The following ARID2 variants were observed in gnomAD, a reference collection of about 807,000 sequenced individuals.
The protein encoded by ARID2 is AT-rich interactive domain-containing protein 2.
In ARID2, 32 loss-of-function variants were observed where a neutral mutation model predicts 184.6. The observed-to-expected ratio is 0.17, with a 90% CI of 0.13 to 0.23. ARID2 has a LOEUF of 0.23. ARID2 is among the 10% of genes least tolerant of loss of function. The pLI, the probability that ARID2 is intolerant of heterozygous loss-of-function variation, is 1.00. For synonymous variants in ARID2, 836 were observed against 772.6 expected, an observed-to-expected ratio of 1.08 and a Z score of -1.36; for missense variants, 1,696 against 2,197.6, an observed-to-expected ratio of 0.77 and a Z score of 4.56.
rs1942707396 is a variant in ARID2, at chr12:45,811,457, G to A, written c.324G>A (p.Glu108=). 1 of 1,613,244 alleles carries A rather than the reference G, an allele frequency of 6.2e-7. No homozygotes were observed. The highest frequency in any genetic ancestry group is 1.1e-5 in the South Asian group (1 of 90,986). The change falls in exon 4 of 21, where the codon GAG becomes GAA. Residue 108 remains glutamate, a synonymous_variant. Transcript: ENST00000334344. ...ACGAGAAAGTTCATCATTTTGGGGA[G>A]GATGATGATGAGGTACCACCAGGCA... ...EKYEKVHHFG[E]DDDEVPPGNP...
At chr12:45,838,501 C>T (rs1192876152) in intron 10 of ARID2, among the ~76,000 whole-genome samples, 1 of 152,188 alleles carries the variant, frequency 6.6e-6, no homozygotes, top group Non-Finnish European at 1.5e-5. Flanking sequence ...GGCATGGTGG[C>T]TCACACCTGT....
At position 45,899,475 on chromosome 12, in the gene ARID2, G is replaced by A. The variant is rs1195510012; in HGVS notation, c.5364-5459G>A. Among the ~76,000 whole-genome samples, 27 of 149,030 alleles carry A rather than the reference G, an allele frequency of 1.8e-4. No homozygotes were observed. In the South Asian group the frequency reaches 1.9e-3, roughly 10 times the overall value. ...AAAAAAATTAGCTGGGCGTGGTGGC[G>A]GGCGCCTGTAGTCCCAGCTACTCAG... On this transcript the variant is annotated intron_variant, in intron 20 of 20. Transcript: ENST00000334344.
intron 3 of ARID2, among the ~76,000 whole-genome samples, chr12:45,747,269 G>A (rs1008204083): frequency 2.0e-5 from 3 of 152,112 alleles, no homozygotes; most frequent in Non-Finnish European, 4.4e-5. Flanking sequence ...AATAACGTGT[G>A]TGTTGCTGTA....
rs554045135 is a variant in ARID2, at chr12:45,754,646, T to G, written c.284+23332T>G. ...CCTTTTCTTATCTCATCAAGCAGCT[T>G]GAAGTAGATCCTTCTTTATAATCCC... is the stretch of plus-strand genomic sequence containing the variant. On this transcript the variant is annotated intron_variant, in intron 3 of 20. Coordinates refer to ENST00000334344, the MANE Select transcript of ARID2 (RefSeq NM_152641.4). Among the ~76,000 whole-genome samples, 13 of 152,370 alleles carry G rather than the reference T, an allele frequency of 8.5e-5. No individual in the cohort carries two copies. The South Asian group carries it at 2.7e-3, about 32-fold the overall frequency.
intron 3 of ARID2, among the ~76,000 whole-genome samples, chr12:45,794,547 T>A (rs1366491278): frequency 6.6e-6 from 1 of 151,964 alleles, no homozygotes; most frequent in African/African-American, 2.4e-5. Flanking sequence ...ATAGGAGGAG[T>A]AGACCTGGAC....
chr12:45,770,145 C>A (rs564306439), intron 3 of ARID2, among the ~76,000 whole-genome samples: 3 of 151,344 alleles, frequency 2.0e-5, no homozygotes, highest in Non-Finnish European at 4.4e-5. Flanking sequence ...CCCAGCTACC[C>A]GGGAGGCTGA....
Position 45,729,822 on chromosome 12 carries a change from T to A in ARID2, c.-15T>A, listed in dbSNP as rs183369822. The A allele has an allele frequency of 1.6e-3, 2,584 of 1,600,830 alleles. 37 individuals are homozygous for A. In the African/African-American group the frequency reaches 0.029, roughly 18 times the overall value. ...CACCGATCTGGGTTTTTTAAAAACCTCCTTTGAAAAAATAATGGCAAACTC... is the reference window on the plus strand; with the variant it reads ...CACCGATCTGGGTTTTTTAAAAACCACCTTTGAAAAAATAATGGCAAACTC... On this transcript the variant is annotated 5_prime_UTR_variant, in exon 1 of 21. Transcript: ENST00000334344.
At chr12:45,817,022 T>C (rs1325210089) in intron 4 of ARID2, among the ~76,000 whole-genome samples, 1 of 152,218 alleles carries the variant, frequency 6.6e-6, no homozygotes, top group Non-Finnish European at 1.5e-5. Context: ...GTTAATGATA[T>C]TGCAGTAATT....
intron 3 of ARID2, among the ~76,000 whole-genome samples, chr12:45,738,602 C>T (rs1408541457): frequency 6.6e-6 from 1 of 152,190 alleles, no homozygotes; most frequent in East Asian, 1.9e-4. Context: ...TGAGCCACTG[C>T]ACCCGGCTGG....
At chr12:45,757,298 TA>T (rs1303828453) in intron 3 of ARID2, among the ~76,000 whole-genome samples, 5 of 152,224 alleles carry the variant, frequency 3.3e-5, no homozygotes, top group Admixed American at 6.5e-5. Context: ...CTCAAACTAA[TA>T]TGCTTATAAT....
At chr12:45,775,857 C>T (rs761477189) in intron 3 of ARID2, among the ~76,000 whole-genome samples, 3 of 152,070 alleles carry the variant, frequency 2.0e-5, no homozygotes, top group Non-Finnish European at 4.4e-5. Context: ...ATTGCTGTTG[C>T]TTATCTTAGT....
chr12:45,730,166 C>G (rs1474217110), intron 2 of ARID2, 29 bp downstream of exon 2: 1 of 1,608,012 alleles, frequency 6.2e-7, no homozygotes, highest in Admixed American at 1.7e-5. Context: ...TTGTATTTCC[C>G]TCTCGCTGGC....
At chr12:45,889,182 A>AAATAAT (rs201416247) in intron 16 of ARID2, among the ~76,000 whole-genome samples, 1 of 152,180 alleles carries the variant, frequency 6.6e-6, no homozygotes. Flanking sequence ...ACTCTGTCTC[A>AAATAAT]AATAATAATA....
intron 3 of ARID2, among the ~76,000 whole-genome samples, chr12:45,749,118 G>A (rs777540547): frequency 6.6e-6 from 1 of 152,180 alleles, no homozygotes; most frequent in African/African-American, 2.4e-5. Context: ...GGGAATCACT[G>A]TGGCAGCTAT....
At position 45,904,424 on chromosome 12, in the gene ARID2, G is replaced by A. The variant is rs535414191; in HGVS notation, c.5364-510G>A. 32 of 693,208 alleles carry A rather than the reference G, an allele frequency of 4.6e-5. 1 individual carries two copies. In the South Asian group the frequency reaches 4.8e-4, roughly 10 times the overall value. The allele number at this position is 693,208 out of a possible 1,614,324, so 42.9% of individuals were successfully genotyped here. A position where few individuals can be genotyped will look rare whatever the true frequency, so the allele number is the denominator to read the frequency against. ...GTACTATGGAGAGGCTGGGCGCGGTGGCTCACGCCTGTAATCCCAGCACTT... is the reference window on the plus strand; with the variant it reads ...GTACTATGGAGAGGCTGGGCGCGGTAGCTCACGCCTGTAATCCCAGCACTT... On this transcript the variant is annotated intron_variant, in intron 20 of 20. Transcript: ENST00000334344.
At chr12:45,808,736 C>CGTGTGT (rs138992855) in intron 3 of ARID2, among the ~76,000 whole-genome samples, 2 of 147,504 alleles carry the variant, frequency 1.4e-5, no homozygotes, top group Non-Finnish European at 3.0e-5. Context: ...TGTTTGCGTG[C>CGTGTGT]GTGTGTGTGT....
At chr12:45,848,313 G>A (rs1171159177) in intron 12 of ARID2, among the ~76,000 whole-genome samples, 3 of 151,960 alleles carry the variant, frequency 2.0e-5, no homozygotes, top group African/African-American at 7.2e-5. Context: ...TTTGAAATGG[G>A]GAAATGGGAG....
intron 12 of ARID2, among the ~76,000 whole-genome samples, 162 bp downstream of exon 12, chr12:45,847,099 G>C (rs887793557): frequency 2.0e-5 from 3 of 151,994 alleles, no homozygotes; most frequent in African/African-American, 7.2e-5. Context: ...AAATCCCCTT[G>C]TATATTGGAA....
At chr12:45,805,424 A>T (rs1236180254) in intron 3 of ARID2, among the ~76,000 whole-genome samples, 8 of 152,078 alleles carry the variant, frequency 5.3e-5, no homozygotes, top group Admixed American at 5.2e-4. Context: ...GTTCTTGAAA[A>T]TTCAGATGAG....
Sources: gnomAD v4.1 joint callset for allele counts (sites outside exome capture counted in the v4.1 genomes callset) on GRCh38, gnomAD v4.1.1 for gene constraint, MANE v1.5 for transcripts, NCBI Gene and HGNC (gene_info 2026-07-23, HGNC 2026-07-21) for gene names.